Variants in CBFA2T2 observed in about 807,000 individuals in gnomAD.
CBFA2T2 encodes protein CBFA2T2.
Under a neutral mutation model 62.2 loss-of-function variants are expected in CBFA2T2, and 11 were observed. That is an observed-to-expected ratio of 0.18 (90% confidence interval 0.11 to 0.29). The LOEUF (loss-of-function observed/expected upper bound fraction) is 0.29, where lower values mean the gene tolerates loss of function less well. Among genes scored for constraint, CBFA2T2 ranks in the 10% least tolerant of loss-of-function variants. CBFA2T2 has a pLI of 1.00. For missense variants in CBFA2T2, 592 were observed against 774.1 expected, an observed-to-expected ratio of 0.76 and a Z score of 2.79; for synonymous variants, 295 against 287.5, an observed-to-expected ratio of 1.03 and a Z score of -0.27.
At chr20:33,491,987 A>T (rs982999069) in intron 1 of CBFA2T2, among the ~76,000 whole-genome samples, 1 of 151,806 alleles carries the variant, frequency 6.6e-6, no homozygotes, top group Admixed American at 6.6e-5. Flanking sequence ...GGTTCAAGCG[A>T]TTCTCCTGCA....
At chr20:33,561,139 G>A (rs1335953211) in intron 1 of CBFA2T2, among the ~76,000 whole-genome samples, 5 of 152,182 alleles carry the variant, frequency 3.3e-5, no homozygotes, top group Middle Eastern at 3.2e-3. Flanking sequence ...GCCTCCAAAA[G>A]TGCTGGGATT....
intron 2 of CBFA2T2, among the ~76,000 whole-genome samples, chr20:33,610,045 G>A (rs974557734): frequency 6.6e-6 from 1 of 152,228 alleles, no homozygotes; most frequent in African/African-American, 2.4e-5. Context: ...CCTTTGGGAG[G>A]CCAAGGCAGG....
rs531477011 is a variant in CBFA2T2 at position 33,642,165 on chromosome 20, G to T, written c.1488+1634G>T. ...GTGTGTGTGTGTGTGTGTGTGTGTG[G>T]ATAACAGGGTCTCACTATATTGCCC... On this transcript the variant is annotated intron_variant, in intron 10 of 10. Transcript: ENST00000342704. Among the ~76,000 whole-genome samples, 59 of 129,902 alleles carry T rather than the reference G, an allele frequency of 4.5e-4. 1 individual carries two copies. The highest frequency in any genetic ancestry group is 4.5e-3 in the South Asian group (18 of 3,968). The allele number at this position is 129,902 out of a possible 152,430, so 85.2% of individuals were successfully genotyped here. A position where few individuals can be genotyped will look rare whatever the true frequency, so the allele number is the denominator to read the frequency against.
In CBFA2T2 at chr20:33,640,527, C is replaced by T. The variant is rs969236014; in HGVS notation, c.1484C>T (p.Thr495Met). The T allele has an allele frequency of 4.3e-6, 7 of 1,613,868 alleles. No homozygotes were observed. Among genetic ancestry groups the T allele is most frequent in the African/African-American group, 2.7e-5 (2 of 74,916 alleles). ...GTCATCAATGAGCAAGAGGAGTCCACGGAGGTCAGAGCTCTGCGCCCTGGG... is the reference window on the plus strand; with the variant it reads ...GTCATCAATGAGCAAGAGGAGTCCATGGAGGTCAGAGCTCTGCGCCCTGGG... ...FLVINEQEES[T>M]ENCWNCGRKA... Residue 495 changes from threonine to methionine, a missense_variant, in exon 10 of 11, where the codon ACG becomes ATG. Physicochemically the swap from Thr to Met is moderately conservative, Grantham distance 81. Around this residue, in one of 3 missense-constraint regions of CBFA2T2, gnomAD observed 58 missense variants for 123.9 expected, o/e 0.47. Transcript: ENST00000342704.
chr20:33,491,302 C>T (rs1218431218), intron 1 of CBFA2T2, among the ~76,000 whole-genome samples: 2 of 151,920 alleles, frequency 1.3e-5, no homozygotes, highest in African/African-American at 4.8e-5. Context: ...CAAGATAGAC[C>T]GAACTGGGGT....
rs199805350 is a variant in CBFA2T2 at position 33,621,287 on chromosome 20, C to CTTTTTTTTTTTTTT, written c.510+1694_510+1707dup. Among the ~76,000 whole-genome samples, 65 of 85,300 alleles carry CTTTTTTTTTTTTTT rather than the reference C, an allele frequency of 7.6e-4. 6 individuals are homozygous for CTTTTTTTTTTTTTT. The highest frequency in any genetic ancestry group is 6.9e-3 in the Middle Eastern group (1 of 144). The allele number at this position is 85,300 out of a possible 152,430, so 56.0% of individuals were successfully genotyped here. The stretch of plus-strand genomic sequence containing the variant: ...TCTATAATACCTTTAATTTTACTGC[C>CTTTTTTTTTTTTTT]TTTTTTTTTTTTTTTTTTTTTTTTT... On this transcript the variant is annotated intron_variant, in intron 4 of 10. Transcript: ENST00000342704.
At chr20:33,547,687 A>ATGTGTGTGTGTG (rs60988030) in intron 1 of CBFA2T2, among the ~76,000 whole-genome samples, 53 of 139,180 alleles carry the variant, frequency 3.8e-4, no homozygotes, top group Admixed American at 6.5e-4. Flanking sequence ...TCTCAAAAAA[A>ATGTGTGTGTGTG]TGTGTGTGTG....
chr20:33,610,983 A>T (rs914626509), intron 2 of CBFA2T2, 111 bp from the exon 3 acceptor site: 2 of 1,350,368 alleles, frequency 1.5e-6, no homozygotes, highest in African/African-American at 2.9e-5. Flanking sequence ...CCTTTATAAC[A>T]TGTGCTTTAC....
chr20:33,536,399 C>T (rs1436336688), intron 1 of CBFA2T2, among the ~76,000 whole-genome samples: 1 of 150,000 alleles, frequency 6.7e-6, no homozygotes, highest in Admixed American at 6.6e-5. Context: ...CCTCACCTCC[C>T]GGACAGGGTG....
chr20:33,552,506 T>TA (rs928523700), intron 1 of CBFA2T2, among the ~76,000 whole-genome samples: 10 of 151,978 alleles, frequency 6.6e-5, no homozygotes, highest in South Asian at 2.1e-4. Flanking sequence ...ATGTTTGCTG[T>TA]AAAAAAAAGG....
chr20:33,576,360 G>A (rs1006866286), intron 1 of CBFA2T2, among the ~76,000 whole-genome samples: 12 of 152,170 alleles, frequency 7.9e-5, no homozygotes, highest in African/African-American at 2.4e-4. Context: ...ATGGATACTT[G>A]CCCTGCCAGA....
intron 1 of CBFA2T2, among the ~76,000 whole-genome samples, chr20:33,540,745 G>A (rs2012390718): frequency 6.6e-6 from 1 of 152,148 alleles, no homozygotes; most frequent in Admixed American, 6.6e-5. Flanking sequence ...AAAAGCCGTA[G>A]TAATCATTCT....
Position 33,498,192 on chromosome 20 carries a change from A to G in CBFA2T2, c.34+7891A>G, listed in dbSNP as rs561866211. ...GTGATCCACCTGCCTTGGCCTCCCAACGTGCTGGCATTAACAGGCATGAAC... is the reference window on the plus strand; with the variant it reads ...GTGATCCACCTGCCTTGGCCTCCCAGCGTGCTGGCATTAACAGGCATGAAC... On this transcript the variant is annotated intron_variant, in intron 1 of 10. Coordinates refer to ENST00000342704, the MANE Select transcript of CBFA2T2 (RefSeq NM_001032999.3). Among the ~76,000 whole-genome samples the G allele has an allele frequency of 8.0e-5, 12 of 150,920 alleles. 1 individual carries two copies. The highest frequency in any genetic ancestry group is 2.7e-4 in the African/African-American group (11 of 41,142).
intron 9 of CBFA2T2, among the ~76,000 whole-genome samples, chr20:33,637,377 A>G (rs2016667321): frequency 1.3e-5 from 2 of 152,362 alleles, no homozygotes; most frequent in South Asian, 2.1e-4. Flanking sequence ...TGTAATACCT[A>G]CATTCATAAA....
intron 1 of CBFA2T2, among the ~76,000 whole-genome samples, chr20:33,517,450 G>GTTTTT (rs773285489): frequency 7.7e-6 from 1 of 129,124 alleles, no homozygotes; most frequent in Non-Finnish European, 1.7e-5. Context: ...GGTTTTTTTG[G>GTTTTT]TGTTTTTTTT....
intron 1 of CBFA2T2, among the ~76,000 whole-genome samples, chr20:33,597,134 C>T (rs903412386): frequency 1.3e-5 from 2 of 151,798 alleles, no homozygotes; most frequent in Non-Finnish European, 1.5e-5. Flanking sequence ...GTCTTGCCAT[C>T]TTGTCCAGGC....
intron 4 of CBFA2T2, 119 bp from the exon 5 acceptor site, chr20:33,622,996 C>A: frequency 2.3e-6 from 2 of 868,462 alleles, no homozygotes; most frequent in Non-Finnish European, 3.5e-6. Context: ...ATTTGAAAAT[C>A]AGACTGCCAA....
intron 1 of CBFA2T2, among the ~76,000 whole-genome samples, chr20:33,572,547 T>C (rs535546967): frequency 6.6e-6 from 1 of 152,354 alleles, no homozygotes; most frequent in Admixed American, 6.5e-5. Flanking sequence ...AAGAAGTAAA[T>C]TGAGCTGTGT....
At chr20:33,564,983 G>A (rs745801804) in intron 1 of CBFA2T2, among the ~76,000 whole-genome samples, 7 of 151,708 alleles carry the variant, frequency 4.6e-5, no homozygotes, top group African/African-American at 7.3e-5. Flanking sequence ...GCAGCGGCGC[G>A]ATCTCGACTG....
Sources: allele counts gnomAD v4.1 joint callset (sites outside exome capture counted in the v4.1 genomes callset), GRCh38; gene constraint gnomAD v4.1.1; regional missense constraint gnomAD v4.1.1; transcripts MANE v1.5; gene names NCBI Gene and HGNC (gene_info 2026-07-23, HGNC 2026-07-21).